The following C4BPA variants were observed in gnomAD, a reference collection of about 807,000 sequenced individuals.
C4BPA encodes C4b-binding protein alpha chain.
C4BPA carries 31 observed loss-of-function variants against 63.7 expected under a neutral mutation model. That is an observed-to-expected ratio of 0.49 (90% CI 0.37 to 0.66). C4BPA has a LOEUF of 0.66. Ranked by LOEUF, C4BPA falls within the 30% of genes least tolerant of loss-of-function variation. The pLI, the probability that C4BPA is intolerant of heterozygous loss-of-function variation, is 0.00. For synonymous variants in C4BPA, 259 were observed against 254.7 expected (o/e 1.02, Z -0.16); for missense variants, 572 against 723.3 (o/e 0.79, Z 2.40).
At chr1:207,127,558 G>A (rs1191685030) in intron 7 of C4BPA, 1 of 152,196 alleles carries the variant, frequency 6.6e-6, no homozygotes, top group African/African-American at 2.4e-5. Flanking sequence ...AGCCACTGAT[G>A]CCTTGTGCTC....
intron 9 of C4BPA, among the ~76,000 whole-genome samples, chr1:207,135,173 T>C (rs1434567430): frequency 2.0e-5 from 3 of 151,824 alleles, no homozygotes; most frequent in Non-Finnish European, 2.9e-5. Flanking sequence ...CTGGTCTCTG[T>C]TAAAAATACA....
chr1:207,121,825 T>C (rs1219962308), intron 4 of C4BPA, among the ~76,000 whole-genome samples: 1 of 152,116 alleles, frequency 6.6e-6, no homozygotes, highest in Non-Finnish European at 1.5e-5. Context: ...ACTTATCTTG[T>C]ATTCTTACCC....
At chr1:207,105,843 C>T (rs1684548744) in intron 1 of C4BPA, among the ~76,000 whole-genome samples, 1 of 152,094 alleles carries the variant, frequency 6.6e-6, no homozygotes, top group South Asian at 2.1e-4. Context: ...CACTGCATTG[C>T]TAAGTGCTGA....
rs76634438 is a variant in C4BPA, at chr1:207,104,945, C to G, written c.-26+515C>G. Reference sequence around the variant, plus strand: ...TGGTAATAAGGAGGACACTGGCCAGCCTCCAGTTGGTTTCTGAAGCTAGCA... The same window carrying G: ...TGGTAATAAGGAGGACACTGGCCAGGCTCCAGTTGGTTTCTGAAGCTAGCA... On this transcript the variant is annotated intron_variant, in intron 1 of 11. Transcript: ENST00000367070. Among the ~76,000 whole-genome samples the G allele has an allele frequency of 1.2e-4, 19 of 152,346 alleles. No homozygotes were observed. The East Asian group carries it at 3.7e-3, about 29-fold the overall frequency.
At chr1:207,126,246 A>T (rs1406708731) in intron 6 of C4BPA, among the ~76,000 whole-genome samples, 1 of 148,486 alleles carries the variant, frequency 6.7e-6, no homozygotes, top group African/African-American at 2.5e-5. Context: ...ACACACACAT[A>T]CATATGTGTA....
chr1:207,112,832 C>G (rs1684697434), intron 1 of C4BPA, 169 bp from the exon 2 acceptor site: 1 of 572,302 alleles, frequency 1.7e-6, no homozygotes, highest in Middle Eastern at 4.5e-4. Context: ...TCTGCAGAGG[C>G]CAATCCTTAC....
intron 10 of C4BPA, among the ~76,000 whole-genome samples, chr1:207,142,612 T>G (rs983913998): frequency 6.6e-6 from 1 of 152,142 alleles, no homozygotes; most frequent in Non-Finnish European, 1.5e-5. Context: ...ATCACCATCC[T>G]AACTGGTGTG....
intron 8 of C4BPA, among the ~76,000 whole-genome samples, 191 bp downstream of exon 8, chr1:207,131,931 C>T (rs116964020): frequency 6.6e-6 from 1 of 152,100 alleles, no homozygotes; most frequent in East Asian, 1.9e-4. Context: ...GAAATTGTAA[C>T]CTTTCCTTAT....
chr1:207,117,846 C>T (rs138915455), intron 4 of C4BPA, among the ~76,000 whole-genome samples: 1 of 152,248 alleles, frequency 6.6e-6, no homozygotes, highest in African/African-American at 2.4e-5. Context: ...AGTGCCCTTC[C>T]TGCATCTTGC....
rs1166665068 is a variant in C4BPA, at chr1:207,144,546, G to C, written c.1623G>C (p.Glu541Asp). ...CACCCACCACTTATATCTTTTAGGA[G>C]ACCCCCGAAGGCTGTGAACAAGTGC... ...WYPEVPKCEW[E>D]TPEGCEQVLT... The change falls in exon 12 of 12, where the codon GAG (glutamate) becomes GAC (aspartate). Residue 541 changes from glutamate (E) to aspartate (D), a missense_variant and splice_region_variant. Physicochemically the swap from Glu to Asp is conservative, Grantham distance 45. Coordinates refer to ENST00000367070, the MANE Select transcript of C4BPA (RefSeq NM_000715.4). 1.4e-5 allele frequency: 22 copies of C among 1,600,338 alleles called. No individual in the cohort carries two copies. Among genetic ancestry groups the C allele is most frequent in the Non-Finnish European group, 1.5e-5 (18 of 1,175,154 alleles).
At position 207,126,743 on chromosome 1, in the gene C4BPA, A is replaced by G. The variant is rs775885891; in HGVS notation, c.737A>G (p.His246Arg). 5.2e-5 allele frequency: 84 copies of G among 1,609,516 alleles called. 1 individual carries two copies. The South Asian group carries it at 8.5e-4, about 16-fold the overall frequency. ...KITCRKPDVS[H>R]GEMVSGFGPI... ...ACCTGTCGCAAGCCAGATGTTTCAC[A>G]TGGGGAAATGGTCTCTGGATTTGGA... is the stretch of plus-strand genomic sequence containing the variant. The change falls in exon 7 of 12, where the codon CAT becomes CGT. Residue 246 changes from histidine (H) to arginine (R), a missense_variant. His to Arg is a conservative substitution (Grantham distance 29). Coordinates refer to ENST00000367070, the MANE Select transcript of C4BPA (RefSeq NM_000715.4).
chr1:207,126,819 T>G lies in C4BPA; in HGVS notation c.813T>G (p.Phe271Leu). ...DTIVFKCQKG[F>L]VLRGSSVIHC... The stretch of plus-strand genomic sequence containing the variant: ...TTGTGTTTAAGTGCCAAAAAGGTTT[T>G]GTTCTCAGAGGCAGCAGTGTAATTC... The change falls in exon 7 of 12, where the codon TTT (phenylalanine) becomes TTG (leucine). Residue 271 changes from phenylalanine (F) to leucine (L), a missense_variant. By Grantham distance (22) the Phe-to-Leu change is conservative. This residue lies in a region of C4BPA where 465 missense variants were observed against 629.4 expected (regional missense o/e 0.74). Coordinates refer to ENST00000367070, the MANE Select transcript of C4BPA (RefSeq NM_000715.4). 6.2e-7 allele frequency: 1 copy of G among 1,613,602 alleles called. No individual in the cohort carries two copies. Among genetic ancestry groups the G allele is most frequent in the South Asian group, 1.1e-5 (1 of 91,018 alleles).
At chr1:207,137,718 A>G (rs898288098) in intron 9 of C4BPA, among the ~76,000 whole-genome samples, 2 of 152,136 alleles carry the variant, frequency 1.3e-5, no homozygotes, top group African/African-American at 2.4e-5. Context: ...CCTGGGTTCA[A>G]GAGATTCTTG....
chr1:207,134,531 G>A lies in C4BPA; in HGVS notation c.1212G>A (p.Arg404=). 1 of 1,613,966 alleles carries A rather than the reference G, an allele frequency of 6.2e-7. No individual in the cohort carries two copies. The highest frequency in any genetic ancestry group is 8.5e-7 in the Non-Finnish European group (1 of 1,179,856). ...CATTTTCATGTCATGAGACCAGTAG[G>A]TTTTCAGCTATATGCCAAGGAGATG... ...EISFSCHETS[R]FSAICQGDGT... Residue 404 remains arginine, a synonymous_variant, in exon 9 of 12, where the codon AGG becomes AGA. Coordinates refer to ENST00000367070, the MANE Select transcript of C4BPA (RefSeq NM_000715.4).
At chr1:207,123,784 T>C in intron 4 of C4BPA, 138 bp from the exon 5 acceptor site, 2 of 597,060 alleles carry the variant, frequency 3.3e-6, no homozygotes, top group Admixed American at 2.9e-5. Flanking sequence ...CTGAATGGAG[T>C]GCTTAATGGG....
chr1:207,134,576 A>G lies in C4BPA; in HGVS notation c.1257A>G (p.Thr419=), dbSNP rs1217583036. 2 of 1,612,610 alleles carry G rather than the reference A, an allele frequency of 1.2e-6. No individual in the cohort carries two copies. The highest frequency in any genetic ancestry group is 8.5e-7 in the Non-Finnish European group (1 of 1,178,750). Residue 419 remains threonine, a synonymous_variant, in exon 9 of 12, where the codon ACA becomes ACG. Transcript: ENST00000367070. The part of the protein sequence containing the change: ...CQGDGTWSPR[T]PSCGDICNFP... ...GAGATGGCACGTGGAGTCCCCGAAC[A>G]CCATCATGTGGAGACAGTAAGAGTT...
In C4BPA at chr1:207,131,741, G is replaced by T; in HGVS notation, c.1084+1G>T. 1 of 1,601,046 alleles carries T rather than the reference G, an allele frequency of 6.2e-7. No individual in the cohort carries two copies. Among genetic ancestry groups the T allele is most frequent in the South Asian group, 1.1e-5 (1 of 88,992 alleles). On this transcript the variant is annotated splice_donor_variant, in intron 8 of 11. Transcript: ENST00000367070. LOFTEE classifies it high-confidence loss of function. ...TGGACCCCATACCAAGGATGTGAGG[G>T]TGAGTTTTTGTTTTTTAATATTTTT... is the stretch of plus-strand genomic sequence containing the variant.
At chr1:207,109,535 G>A (rs1411613900) in intron 1 of C4BPA, among the ~76,000 whole-genome samples, 1 of 152,230 alleles carries the variant, frequency 6.6e-6, no homozygotes, top group Non-Finnish European at 1.5e-5. Context: ...CGGTTCCCAT[G>A]TGGTAGAGCC....
chr1:207,117,576 A>G (rs530510401), intron 4 of C4BPA, among the ~76,000 whole-genome samples: 2 of 152,346 alleles, frequency 1.3e-5, no homozygotes, highest in South Asian at 4.1e-4. Context: ...GGTCTCCACC[A>G]GGCCTGAGAA....
Sources: gnomAD v4.1 joint callset for allele counts (sites outside exome capture counted in the v4.1 genomes callset) on GRCh38, gnomAD v4.1.1 for gene constraint, gnomAD v4.1.1 regional missense constraint, MANE v1.5 for transcripts, NCBI Gene and HGNC (gene_info 2026-07-23, HGNC 2026-07-21) for gene names.